The following ANKRD17 variants were observed in gnomAD, a reference collection of about 807,000 sequenced individuals.
ANKRD17 encodes ankyrin repeat domain 17.
A neutral mutation model predicts 229.7 loss-of-function variants in ANKRD17; 19 were observed. The ratio of observed to expected loss-of-function variants is 0.08; its 90% CI spans 0.06 to 0.12. The LOEUF (loss-of-function observed/expected upper bound fraction) is 0.12, where lower values mean the gene tolerates loss of function less well. Among genes scored for constraint, ANKRD17 ranks in the 10% least tolerant of loss-of-function variants. The pLI is 1.00. For missense variants in ANKRD17, 2,176 were observed against 3,176.8 expected (o/e 0.68, Z 7.57); for synonymous variants, 1,112 against 1,146.1 (o/e 0.97, Z 0.60).
At chr4:73,195,696 A>G (rs1045303372) in intron 1 of ANKRD17, among the ~76,000 whole-genome samples, 1 of 152,082 alleles carries the variant, frequency 6.6e-6, no homozygotes, top group Non-Finnish European at 1.5e-5. Flanking sequence ...TTTAGTAGAC[A>G]GGGGGTTTCA....
Position 73,258,796 on chromosome 4 carries a change from A to ACTGCCG in ANKRD17, c.-129_-128insCGGCAG, listed in dbSNP as rs929914530. ...CGCCGCCACCGCCTCGGTCACCTCT[A>ACTGCCG]CTGCCGCCGCCGCCGCCGCCGCTCC... is the stretch of plus-strand genomic sequence containing the variant. On this transcript the variant is annotated 5_prime_UTR_variant, in exon 1 of 34. Coordinates refer to ENST00000358602, the MANE Select transcript of ANKRD17 (RefSeq NM_032217.5). 9.3e-7 allele frequency: 1 copy of ACTGCCG among 1,078,832 alleles called. No homozygotes were observed. The highest frequency in any genetic ancestry group is 2.1e-5 in the African/African-American group (1 of 48,214). The allele number at this position is 1,078,832 out of a possible 1,614,324, so 66.8% of individuals were successfully genotyped here.
chr4:73,140,739 CAT>C (rs1190078529), intron 14 of ANKRD17, among the ~76,000 whole-genome samples: 4 of 152,138 alleles, frequency 2.6e-5, no homozygotes, highest in Admixed American at 1.3e-4. Flanking sequence ...AACACACACA[CAT>C]ACACACAAAA....
chr4:73,085,530 T>G, intron 29 of ANKRD17, 84 bp from the exon 30 acceptor site: 2 of 1,168,452 alleles, frequency 1.7e-6, no homozygotes, highest in African/African-American at 1.6e-5. Flanking sequence ...AGGCCCTAAA[T>G]ATATTCAAAA....
At chr4:73,149,882 A>T (rs920900052) in intron 7 of ANKRD17, among the ~76,000 whole-genome samples, 1 of 152,120 alleles carries the variant, frequency 6.6e-6, no homozygotes, top group Admixed American at 6.5e-5. Context: ...ATTAAAAAAG[A>T]AAAGAAAATT....
intron 1 of ANKRD17, among the ~76,000 whole-genome samples, chr4:73,229,401 A>C (rs1295893442): frequency 6.6e-6 from 1 of 152,218 alleles, no homozygotes; most frequent in Non-Finnish European, 1.5e-5. Flanking sequence ...TGTTACTGAC[A>C]CAAGTCTACT....
At chr4:73,104,067 T>C (rs183841150) in intron 24 of ANKRD17, 4 of 152,280 alleles carry the variant, frequency 2.6e-5, no homozygotes, top group Admixed American at 2.6e-4. Flanking sequence ...AACCTGTAGG[T>C]AGAATACCCA....
chr4:73,173,509 C>T (rs1734317120), intron 2 of ANKRD17, among the ~76,000 whole-genome samples: 1 of 152,128 alleles, frequency 6.6e-6, no homozygotes, highest in East Asian at 1.9e-4. Context: ...AGACTCACAC[C>T]ACAAACTCCG....
At chr4:73,114,078 G>C in intron 23 of ANKRD17, among the ~76,000 whole-genome samples, 170 bp from the exon 24 acceptor site, 1 of 152,124 alleles carries the variant, frequency 6.6e-6, no homozygotes, top group Non-Finnish European at 1.5e-5. Flanking sequence ...GTATATTTAG[G>C]AATATATACA....
intron 2 of ANKRD17, among the ~76,000 whole-genome samples, chr4:73,162,820 GC>G (rs1190166084): frequency 6.6e-6 from 1 of 151,922 alleles, no homozygotes; most frequent in African/African-American, 2.4e-5. Flanking sequence ...AATCCAAGCT[GC>G]CCATCAGCAT....
chr4:73,118,941 CAGTGGTGA>C, intron 21 of ANKRD17, 91 bp from the exon 22 acceptor site: 1 of 1,343,926 alleles, frequency 7.4e-7, no homozygotes, highest in South Asian at 1.4e-5. Flanking sequence ...GGCTGGAGTG[CAGTGGTGA>C]GATCATGGCT....
intron 27 of ANKRD17, among the ~76,000 whole-genome samples, chr4:73,094,637 T>C (rs1723103917): frequency 6.6e-6 from 1 of 151,484 alleles, no homozygotes; most frequent in South Asian, 2.1e-4. Context: ...AGTATGTGTG[T>C]ACACACACAC....
intron 1 of ANKRD17, among the ~76,000 whole-genome samples, chr4:73,222,373 G>A (rs1312587615): frequency 6.6e-6 from 1 of 152,084 alleles, no homozygotes; most frequent in African/African-American, 2.4e-5. Context: ...TCAAATTATA[G>A]TAATTTTGTA....
chr4:73,078,884 G>C lies in ANKRD17; in HGVS notation c.7166C>G (p.Ser2389Cys), dbSNP rs922485177. 6.2e-7 allele frequency: 1 copy of C among 1,613,048 alleles called. No individual in the cohort carries two copies. The highest frequency in any genetic ancestry group is 2.2e-5 in the East Asian group (1 of 44,858). Reference protein sequence around the residue: ...TPCSSASNDSSAQSVSSGVRA... With the variant: ...TPCSSASNDSCAQSVSSGVRA... The stretch of plus-strand genomic sequence containing the variant: ...AACTCCCGAGGATACTGACTGTGCA[G>C]AAGAATCTAGAGAAGAGATATTTTG... Residue 2389 changes from serine (S) to cysteine (C), a missense_variant, in exon 31 of 34, where the codon TCT (serine) becomes TGT (cysteine). Physicochemically the swap from Ser to Cys is moderately radical, Grantham distance 112. Around this residue, in one of 18 missense-constraint regions of ANKRD17, gnomAD observed 87 missense variants for 116.0 expected, o/e 0.75. Transcript: ENST00000358602.
chr4:73,109,543 GAA>G (rs1725049667), intron 24 of ANKRD17, among the ~76,000 whole-genome samples: 1 of 152,114 alleles, frequency 6.6e-6, no homozygotes. Context: ...TACTGAAGGT[GAA>G]AGAGAGGTGG....
chr4:73,167,336 G>T (rs1227416870), intron 2 of ANKRD17, among the ~76,000 whole-genome samples: 1 of 152,036 alleles, frequency 6.6e-6, no homozygotes, highest in Non-Finnish European at 1.5e-5. Flanking sequence ...GTAGGGGGAA[G>T]GCTAGCTTGT....
chr4:73,142,696 G>C lies in ANKRD17; in HGVS notation c.2029C>G (p.Leu677Val), dbSNP rs1430278515. The part of the protein sequence containing the change: ...VLSLACAGGH[L>V]AVVELLLAHG... ...GCCAAAAGTAGTTCCACCACTGCCA[G>C]ATGACCCCCTGCACAAGCCAGGGAC... The change falls in exon 12 of 34, where the codon CTG (leucine) becomes GTG (valine). Residue 677 changes from leucine (L) to valine (V), a missense_variant. By Grantham distance (32) the Leu-to-Val change is conservative (BLOSUM62 1). Transcript: ENST00000358602. 6.2e-7 allele frequency: 1 copy of C among 1,613,932 alleles called. No individual in the cohort carries two copies. The highest frequency in any genetic ancestry group is 1.3e-5 in the African/African-American group (1 of 74,904).
intron 22 of ANKRD17, among the ~76,000 whole-genome samples, chr4:73,117,993 C>T (rs1726183812): frequency 6.6e-6 from 1 of 151,526 alleles, no homozygotes; most frequent in African/African-American, 2.4e-5. Flanking sequence ...CATTTTTTTT[C>T]CTAGTAAAGT....
Position 73,115,807 on chromosome 4 carries a change from G to A in ANKRD17, c.4284+14C>T, listed in dbSNP as rs1268163575. On this transcript the variant is annotated intron_variant, in intron 23 of 33. Transcript: ENST00000358602. ...GAATAGAGTCCCTTGCTCATATAGT[G>A]AACAACATATTACCTTATCAGTGAT... is the stretch of plus-strand genomic sequence containing the variant. 3 of 1,596,152 alleles carry A rather than the reference G, an allele frequency of 1.9e-6. No individual in the cohort carries two copies. The highest frequency in any genetic ancestry group is 2.7e-5 in the African/African-American group (2 of 74,502).
At chr4:73,254,894 G>A (rs1255264896) in intron 1 of ANKRD17, among the ~76,000 whole-genome samples, 1 of 151,806 alleles carries the variant, frequency 6.6e-6, no homozygotes. Context: ...TTTTTTTCTT[G>A]TAATAGTCAA....
Sources: allele counts gnomAD v4.1 joint callset (sites outside exome capture counted in the v4.1 genomes callset), GRCh38; gene constraint gnomAD v4.1.1; regional missense constraint gnomAD v4.1.1; transcripts MANE v1.5; gene names NCBI Gene and HGNC (gene_info 2026-07-23, HGNC 2026-07-21).